The following DNAH8 variants were observed in gnomAD, a reference collection of about 807,000 sequenced individuals.
DNAH8 encodes axonemal beta dynein heavy chain 8.
In DNAH8, 382 loss-of-function variants were observed where a neutral mutation model predicts 562.1. That is an observed-to-expected ratio of 0.68 (90% CI 0.63 to 0.74). The LOEUF (loss-of-function observed/expected upper bound fraction) is 0.74. Among genes scored for constraint, DNAH8 ranks in the 30% least tolerant of loss-of-function variants. The pLI, the probability that DNAH8 is intolerant of heterozygous loss-of-function variation, is 0.00. For missense variants in DNAH8, 5,203 were observed against 5,620.4 expected (o/e 0.93, Z 2.37); for synonymous variants, 1,881 against 1,919.4 (o/e 0.98, Z 0.52).
intron 91 of DNAH8, among the ~76,000 whole-genome samples, chr6:39,023,548 G>A (rs1414903401): frequency 2.0e-5 from 3 of 152,076 alleles, no homozygotes; most frequent in African/African-American, 7.2e-5. Context: ...CAAAACAAAA[G>A]TACTGCTTTC....
intron 91 of DNAH8, among the ~76,000 whole-genome samples, chr6:39,017,449 C>A (rs1436232679): frequency 6.6e-6 from 1 of 152,130 alleles, no homozygotes; most frequent in Non-Finnish European, 1.5e-5. Context: ...AATTGATAGC[C>A]ATGCTTTGCC....
intron 4 of DNAH8, 40 bp from the exon 5 acceptor site, chr6:38,734,434 T>C (rs1373752234): frequency 6.2e-7 from 1 of 1,603,984 alleles, no homozygotes; most frequent in Non-Finnish European, 8.5e-7. Context: ...ATTTGATTAG[T>C]TGTGTGATTA....
chr6:38,962,333 G>T (rs1169813635), intron 82 of DNAH8, among the ~76,000 whole-genome samples: 1 of 152,068 alleles, frequency 6.6e-6, no homozygotes, highest in Non-Finnish European at 1.5e-5. Flanking sequence ...GAATAGCTAA[G>T]AAAGCTTGAA....
Position 38,875,745 on chromosome 6 carries a change from G to C in DNAH8, c.7775G>C (p.Arg2592Pro), listed in dbSNP as rs777651701. ...ESREKLEAFLRQHESKLDLPE... is the reference protein window; with the variant it reads ...ESREKLEAFLPQHESKLDLPE... Reference sequence around the variant, plus strand: ...AGAGAAAAGCTTGAAGCCTTCTTACGGCAGCATGAAAGCAAGTTGGACTTA... The same window carrying C: ...AGAGAAAAGCTTGAAGCCTTCTTACCGCAGCATGAAAGCAAGTTGGACTTA... The change falls in exon 53 of 93, where the codon CGG (arginine) becomes CCG (proline). Residue 2592 changes from arginine (R) to proline (P), a missense_variant. Around this residue, in one of 6 missense-constraint regions of DNAH8, gnomAD observed 977 missense variants for 1,061.8 expected, o/e 0.92. Coordinates refer to ENST00000327475, the MANE Select transcript of DNAH8 (RefSeq NM_001206927.2). The C allele has an allele frequency of 6.2e-7, 1 of 1,613,878 alleles. No individual in the cohort carries two copies. The highest frequency in any genetic ancestry group is 8.5e-7 in the Non-Finnish European group (1 of 1,179,930).
At chr6:38,955,799 A>T (rs1342957990) in intron 82 of DNAH8, among the ~76,000 whole-genome samples, 1 of 152,066 alleles carries the variant, frequency 6.6e-6, no homozygotes, top group East Asian at 1.9e-4. Context: ...CTCTGCAGGA[A>T]CCTCGGGATA....
At chr6:38,870,361 G>C in intron 48 of DNAH8, 40 bp from the exon 49 acceptor site, 1 of 1,591,564 alleles carries the variant, frequency 6.3e-7, no homozygotes, top group Non-Finnish European at 8.6e-7. Context: ...AATGTTTGTT[G>C]ACTGAATGAG....
chr6:38,737,636 T>G (rs1764200197), intron 6 of DNAH8, among the ~76,000 whole-genome samples, 173 bp from the exon 7 acceptor site: 1 of 151,134 alleles, frequency 6.6e-6, no homozygotes, highest in Non-Finnish European at 1.5e-5. Context: ...TATATTTCTG[T>G]AAAGTATTAG....
At chr6:38,958,020 T>G (rs190322456) in intron 82 of DNAH8, among the ~76,000 whole-genome samples, 16 of 152,262 alleles carry the variant, frequency 1.1e-4, no homozygotes, top group East Asian at 7.7e-4. Context: ...GTTTTGTTTT[T>G]TTTTATGAAG....
intron 32 of DNAH8, among the ~76,000 whole-genome samples, chr6:38,836,706 G>A (rs561075645): frequency 2.6e-5 from 4 of 152,084 alleles, no homozygotes; most frequent in Admixed American, 6.5e-5. Context: ...AAAAAAAACA[G>A]GTGCCAAAGG....
chr6:38,724,124 C>A (rs1000436723), intron 3 of DNAH8, among the ~76,000 whole-genome samples: 3 of 151,900 alleles, frequency 2.0e-5, no homozygotes, highest in African/African-American at 7.3e-5. Context: ...ATTTCAGGCA[C>A]GCACCACCAC....
chr6:38,974,226 T>C, intron 84 of DNAH8, 148 bp from the exon 85 acceptor site: 1 of 650,584 alleles, frequency 1.5e-6, no homozygotes, highest in Non-Finnish European at 2.5e-6. Flanking sequence ...ATATAACAAT[T>C]TAATGCTAAT....
intron 57 of DNAH8, among the ~76,000 whole-genome samples, chr6:38,887,392 A>G (rs1048423713): frequency 6.6e-6 from 1 of 152,232 alleles, no homozygotes; most frequent in Admixed American, 6.5e-5. Context: ...CATCAAATGT[A>G]ACATCGAATC....
At position 38,951,178 on chromosome 6, in the gene DNAH8, C is replaced by A. The variant is rs532724424; in HGVS notation, c.12249-140C>A. The stretch of plus-strand genomic sequence containing the variant: ...TGCTCATCTGTGATAGGAAACCTTG[C>A]CATTCCTCTTACTTAGATGTGGAAA... On this transcript the variant is annotated intron_variant, in intron 81 of 92. Coordinates refer to ENST00000327475, the MANE Select transcript of DNAH8 (RefSeq NM_001206927.2). 1.8e-5 allele frequency: 13 copies of A among 720,826 alleles called. No homozygotes were observed. The South Asian group carries it at 2.2e-4, about 12-fold the overall frequency. The allele number at this position is 720,826 out of a possible 1,614,324, so 44.7% of individuals were successfully genotyped here. A position where few individuals can be genotyped will look rare whatever the true frequency, so the allele number is the denominator to read the frequency against.
intron 10 of DNAH8, among the ~76,000 whole-genome samples, chr6:38,759,361 C>A (rs1255660302): frequency 6.6e-6 from 1 of 151,880 alleles, no homozygotes; most frequent in East Asian, 1.9e-4. Context: ...ACGAAAAAAC[C>A]CACATGAATA....
At chr6:38,921,282 A>G (rs1427990579) in intron 70 of DNAH8, 87 bp from the exon 71 acceptor site, 10 of 1,488,094 alleles carry the variant, frequency 6.7e-6, no homozygotes, top group Non-Finnish European at 9.1e-6. Context: ...CGTCTAGTGC[A>G]GAAATTATGT....
rs555784201 is a variant in DNAH8, at chr6:38,878,606, A to G, written c.7858+2778A>G. On this transcript the variant is annotated intron_variant, in intron 53 of 92. Transcript: ENST00000327475. ...CATCAGAACAAAAGAGAAGACATACATTACCATAGTCAAGGATGAAAGAGA... is the reference window on the plus strand; with the variant it reads ...CATCAGAACAAAAGAGAAGACATACGTTACCATAGTCAAGGATGAAAGAGA... 2.3e-3 allele frequency among the ~76,000 whole-genome samples: 349 copies of G among 152,322 alleles called. 1 individual carries two copies. The highest frequency in any genetic ancestry group is 7.8e-3 in the African/African-American group (325 of 41,582).
intron 31 of DNAH8, among the ~76,000 whole-genome samples, chr6:38,834,130 C>A (rs1011205645): frequency 6.6e-6 from 1 of 152,156 alleles, no homozygotes. Flanking sequence ...AGAGGATGTT[C>A]TCAGAACTCT....
chr6:38,910,763 G>A (rs1442050196), intron 65 of DNAH8, among the ~76,000 whole-genome samples: 1 of 151,826 alleles, frequency 6.6e-6, no homozygotes, highest in Non-Finnish European at 1.5e-5. Context: ...TCACATATAT[G>A]CCCAAGATCT....
intron 92 of DNAH8, among the ~76,000 whole-genome samples, chr6:39,027,985 C>G (rs558998937): frequency 6.6e-6 from 1 of 152,158 alleles, no homozygotes; most frequent in Admixed American, 6.6e-5. Context: ...GGGGGCTGGA[C>G]CAGATGATTT....
Sources: allele counts gnomAD v4.1 joint callset (sites outside exome capture counted in the v4.1 genomes callset), GRCh38; gene constraint gnomAD v4.1.1; regional missense constraint gnomAD v4.1.1; transcripts MANE v1.5; gene names NCBI Gene and HGNC (gene_info 2026-07-23, HGNC 2026-07-21).